DCC: variants seen among roughly 807,000 people sequenced by gnomAD.
DCC encodes the protein DCC netrin 1 receptor, also known as netrin receptor DCC.
A neutral mutation model predicts 172.5 loss-of-function variants in DCC; 58 were observed. The ratio of observed to expected loss-of-function variants is 0.34; its 90% CI spans 0.27 to 0.42. DCC has a LOEUF of 0.42. Among genes scored for constraint, DCC ranks in the 10% least tolerant of loss-of-function variants. DCC has a pLI of 1.00. For synonymous variants in DCC, 709 were observed against 644.5 expected (o/e 1.10, Z -1.52); for missense variants, 1,740 against 1,791.0 (o/e 0.97, Z 0.51).
chr18:53,032,999 C>G (rs866220960), intron 5 of DCC, among the ~76,000 whole-genome samples: 4 of 152,110 alleles, frequency 2.6e-5, no homozygotes, highest in Middle Eastern at 3.2e-3. Flanking sequence ...TGAGAATTCT[C>G]TGCTTTAGTA....
intron 2 of DCC, among the ~76,000 whole-genome samples, chr18:52,805,309 T>C (rs73956965): frequency 0.077 from 11,726 of 152,210 alleles, 1,466 homozygotes; most frequent in African/African-American, 0.26. Context: ...AAAGTCATCT[T>C]AGGAACTTTG....
At chr18:52,582,802 G>A (rs1460459544) in intron 1 of DCC, among the ~76,000 whole-genome samples, 2 of 152,170 alleles carry the variant, frequency 1.3e-5, no homozygotes, top group South Asian at 2.1e-4. Flanking sequence ...CAGGAAATCA[G>A]TGAAGAAGAG....
chr18:53,130,309 T>A (rs183068493), intron 7 of DCC, among the ~76,000 whole-genome samples: 17 of 152,284 alleles, frequency 1.1e-4, no homozygotes, highest in Admixed American at 1.0e-3. Flanking sequence ...CTGGGGTGGC[T>A]CAGATTTCCC....
intron 1 of DCC, among the ~76,000 whole-genome samples, chr18:52,369,974 GA>G (rs987651847): frequency 6.6e-6 from 1 of 152,072 alleles, no homozygotes; most frequent in Non-Finnish European, 1.5e-5. Context: ...TTGCAGAAAA[GA>G]AAATACTTCC....
intron 5 of DCC, among the ~76,000 whole-genome samples, chr18:52,928,866 C>G (rs1006299399): frequency 6.6e-6 from 1 of 152,102 alleles, no homozygotes; most frequent in African/African-American, 2.4e-5. Flanking sequence ...TGGGCAGTGT[C>G]TATATTGGCA....
At chr18:52,980,143 A>G (rs146218367) in intron 5 of DCC, among the ~76,000 whole-genome samples, 1 of 152,190 alleles carries the variant, frequency 6.6e-6, no homozygotes, top group South Asian at 2.1e-4. Context: ...GTCCCAAAAG[A>G]TATGCATTCT....
chr18:52,638,763 C>T (rs1055370357), intron 1 of DCC, among the ~76,000 whole-genome samples: 21 of 152,036 alleles, frequency 1.4e-4, no homozygotes, highest in East Asian at 3.9e-4. Flanking sequence ...TAGTCAGGGA[C>T]TTCAATACTC....
chr18:52,773,581 C>T (rs1018049645), intron 2 of DCC, among the ~76,000 whole-genome samples: 5 of 152,060 alleles, frequency 3.3e-5, no homozygotes, highest in Non-Finnish European at 5.9e-5. Context: ...GGCTGGAGTA[C>T]AGTGGTGCGA....
intron 2 of DCC, among the ~76,000 whole-genome samples, chr18:52,876,944 G>C (rs1371089820): frequency 1.3e-5 from 2 of 152,164 alleles, no homozygotes; most frequent in Non-Finnish European, 2.9e-5. Context: ...AATAAAAATA[G>C]ATGACACCAG....
chr18:52,575,079 T>C (rs993928), intron 1 of DCC, among the ~76,000 whole-genome samples: 147,926 of 152,172 alleles, frequency 0.97, 72,064 homozygotes, highest in Middle Eastern at 1. Flanking sequence ...AATCATGACA[T>C]CTGGAATTTA....
intron 1 of DCC, among the ~76,000 whole-genome samples, chr18:52,390,262 A>G (rs1985979703): frequency 6.6e-6 from 1 of 152,062 alleles, no homozygotes; most frequent in Non-Finnish European, 1.5e-5. Context: ...CAGTGACTGC[A>G]TATCCCTTTG....
At chr18:53,400,416 A>G (rs1909227504) in intron 18 of DCC, among the ~76,000 whole-genome samples, 1 of 152,160 alleles carries the variant, frequency 6.6e-6, no homozygotes. Context: ...AAAACAGAAT[A>G]TAAATCCTAG....
At chr18:53,280,122 TG>T (rs1192794531) in intron 12 of DCC, among the ~76,000 whole-genome samples, 11 of 152,150 alleles carry the variant, frequency 7.2e-5, no homozygotes, top group Non-Finnish European at 1.5e-5. Context: ...AGGCTTCTGT[TG>T]AAGCCTATGG....
At chr18:53,130,493 C>G (rs917534902) in intron 7 of DCC, among the ~76,000 whole-genome samples, 8 of 152,144 alleles carry the variant, frequency 5.3e-5, no homozygotes, top group African/African-American at 1.9e-4. Context: ...TTTGTTGTCT[C>G]CAAGTCTAGG....
intron 5 of DCC, among the ~76,000 whole-genome samples, chr18:53,000,181 A>G (rs143638869): frequency 1.1e-4 from 16 of 152,176 alleles, no homozygotes; most frequent in Non-Finnish European, 1.6e-4. Flanking sequence ...GTACTTTGCA[A>G]TGGCAGTCCT....
chr18:52,703,403 C>A (rs184215556), intron 1 of DCC, among the ~76,000 whole-genome samples: 122 of 152,308 alleles, frequency 8.0e-4, no homozygotes, highest in Non-Finnish European at 1.6e-3. Flanking sequence ...GTTGTCAAAT[C>A]TGATGTTCTC....
chr18:52,379,019 G>C (rs1018569698), intron 1 of DCC, among the ~76,000 whole-genome samples: 1 of 152,112 alleles, frequency 6.6e-6, no homozygotes, highest in Non-Finnish European at 1.5e-5. Flanking sequence ...CAGTTTATTT[G>C]GGGACAGAAA....
At chr18:52,466,934 C>CAA (rs1275982385) in intron 1 of DCC, among the ~76,000 whole-genome samples, 5 of 152,086 alleles carry the variant, frequency 3.3e-5, no homozygotes, top group African/African-American at 1.2e-4. Flanking sequence ...CCCAAGCTTA[C>CAA]ACAGGTTGTC....
chr18:52,502,826 A>G (rs375728598), intron 1 of DCC, among the ~76,000 whole-genome samples: 96 of 152,350 alleles, frequency 6.3e-4, no homozygotes, highest in African/African-American at 2.2e-3. Flanking sequence ...TTGGAATCTC[A>G]TATGGAAGTG....
Sources: gnomAD v4.1 joint callset for allele counts (sites outside exome capture counted in the v4.1 genomes callset) on GRCh38, gnomAD v4.1.1 for gene constraint, MANE v1.5 for transcripts, NCBI Gene and HGNC (gene_info 2026-07-23, HGNC 2026-07-21) for gene names.